TP63: variants seen among roughly 807,000 people sequenced by gnomAD.
TP63 encodes the protein tumor protein p63.
In TP63, 17 loss-of-function variants were observed where a neutral mutation model predicts 82.8. The observed-to-expected ratio is 0.21, with a 90% CI of 0.14 to 0.31. The LOEUF (loss-of-function observed/expected upper bound fraction) is 0.31. TP63 is among the 10% of genes least tolerant of loss of function. The pLI, the probability that TP63 is intolerant of heterozygous loss-of-function variation, is 1.00. For synonymous variants in TP63, 330 were observed against 321.7 expected (o/e 1.03, Z -0.28); for missense variants, 648 against 895.3 (o/e 0.72, Z 3.52).
At chr3:189,628,351 G>C (rs530503357), upstream of TP63, among the ~76,000 whole-genome samples, 30 of 152,228 alleles carry the variant, frequency 2.0e-4, no homozygotes, top group African/African-American at 6.5e-4. Flanking sequence ...AGAGGAAAGT[G>C]CATGAAGGGG....
chr3:189,736,036 T>A (rs534416161), intron 1 of TP63, among the ~76,000 whole-genome samples: 1 of 151,516 alleles, frequency 6.6e-6, no homozygotes, highest in Non-Finnish European at 1.5e-5. Flanking sequence ...TGCATGTAAA[T>A]CTACAATTTC....
At chr3:189,620,298 G>T in the TP63 span, among the ~76,000 whole-genome samples, 1 of 152,056 alleles carries the variant, frequency 6.6e-6, no homozygotes, top group Non-Finnish European at 1.5e-5. Flanking sequence ...GCCAAGGCGG[G>T]CAGACCATGA....
intron 4 of TP63, among the ~76,000 whole-genome samples, chr3:189,835,700 G>A (rs950719744): frequency 6.6e-6 from 1 of 151,872 alleles, no homozygotes; most frequent in African/African-American, 2.4e-5. Flanking sequence ...GAGGCAGGTG[G>A]TCAGGAGTTC....
intron 4 of TP63, among the ~76,000 whole-genome samples, chr3:189,838,187 TCTC>T (rs1468293402): frequency 6.6e-6 from 1 of 152,030 alleles, no homozygotes; most frequent in Non-Finnish European, 1.5e-5. Context: ...TCCCTTCCTC[TCTC>T]CTATTTATTC....
At chr3:189,811,266 G>A (rs4687095) in intron 4 of TP63, among the ~76,000 whole-genome samples, 131,868 of 152,168 alleles carry the variant, frequency 0.87, 57,629 homozygotes, top group African/African-American at 0.9. Flanking sequence ...AATAATTAAC[G>A]TAGAAAGTTT....
At chr3:189,603,375 T>C in the TP63 span, among the ~76,000 whole-genome samples, 1 of 152,076 alleles carries the variant, frequency 6.6e-6, no homozygotes, top group African/African-American at 2.4e-5. Flanking sequence ...TGGGTTCTGT[T>C]TTCTTCTTCT....
At chr3:189,671,760 A>G (rs1446621396) in intron 1 of TP63, among the ~76,000 whole-genome samples, 1 of 152,138 alleles carries the variant, frequency 6.6e-6, no homozygotes, top group African/African-American at 2.4e-5. Context: ...GCCTGGGAGG[A>G]CATTATTTTA....
upstream of TP63, among the ~76,000 whole-genome samples, chr3:189,628,477 C>T (rs1729367508): frequency 6.6e-6 from 1 of 152,110 alleles, no homozygotes; most frequent in Non-Finnish European, 1.5e-5. Flanking sequence ...CAAAGTGTCC[C>T]TTTCTCCTAC....
At chr3:189,844,034 C>CG in intron 4 of TP63, among the ~76,000 whole-genome samples, 1 of 150,520 alleles carries the variant, frequency 6.6e-6, no homozygotes, top group South Asian at 2.1e-4. Flanking sequence ...CCCACCCCAA[C>CG]CCCAGACCAC....
chr3:189,611,201 G>C, the TP63 span, among the ~76,000 whole-genome samples: 1 of 152,192 alleles, frequency 6.6e-6, no homozygotes, highest in Non-Finnish European at 1.5e-5. Context: ...TGGTGTCTTT[G>C]TCATGAAACC....
intron 1 of TP63, among the ~76,000 whole-genome samples, chr3:189,640,088 G>A (rs1457094665): frequency 1.3e-5 from 2 of 151,822 alleles, no homozygotes; most frequent in African/African-American, 4.8e-5. Flanking sequence ...ATTTAGTAGT[G>A]TCATTTACTT....
At chr3:189,808,751 TTCAG>T (rs947328257) in intron 4 of TP63, among the ~76,000 whole-genome samples, 1 of 152,220 alleles carries the variant, frequency 6.6e-6, no homozygotes, top group African/African-American at 2.4e-5. Flanking sequence ...TCCTGGCAAC[TTCAG>T]TCAGTGTGTT....
intron 4 of TP63, among the ~76,000 whole-genome samples, chr3:189,861,383 C>G (rs1472666608): frequency 2.1e-5 from 3 of 144,228 alleles, no homozygotes; most frequent in African/African-American, 7.6e-5. Context: ...GTGTTTGAAG[C>G]ATTAAAACGT....
chr3:189,849,920 G>GAA (rs1164014136), intron 4 of TP63, among the ~76,000 whole-genome samples: 1 of 152,026 alleles, frequency 6.6e-6, no homozygotes, highest in African/African-American at 2.4e-5. Flanking sequence ...TAAAATCATA[G>GAA]GTCTGTAACA....
intron 8 of TP63, 147 bp downstream of exon 8, chr3:189,868,863 A>G (rs1718060686): frequency 1.6e-6 from 2 of 1,286,704 alleles, no homozygotes; most frequent in Admixed American, 3.5e-5. Flanking sequence ...GAGAATAGGT[A>G]TAGCATTGAA....
At chr3:189,835,531 A>G (rs921437015) in intron 4 of TP63, among the ~76,000 whole-genome samples, 3 of 152,214 alleles carry the variant, frequency 2.0e-5, no homozygotes, top group South Asian at 4.1e-4. Context: ...AAGCATTGCA[A>G]TACATTCTTA....
At chr3:189,855,700 ATGTG>A (rs527770984) in intron 4 of TP63, among the ~76,000 whole-genome samples, 10 of 151,396 alleles carry the variant, frequency 6.6e-5, no homozygotes, top group African/African-American at 2.2e-4. Flanking sequence ...GTGTGTATAT[ATGTG>A]TGTGTGTGTG....
intron 1 of TP63, among the ~76,000 whole-genome samples, chr3:189,635,959 A>G (rs2108609186): frequency 6.6e-6 from 1 of 152,282 alleles, no homozygotes; most frequent in Non-Finnish European, 1.5e-5. Flanking sequence ...ACTGGCTTTT[A>G]GCCATCTCCG....
Position 189,714,744 on chromosome 3 carries a change from T to G in TP63, c.63-22996T>G, listed in dbSNP as rs139278844. On this transcript the variant is annotated intron_variant, in intron 1 of 13. Transcript: ENST00000264731. ...AAGGGCATACATAAATGACAAAGAGTTAATTCAGCTTGCTTCTCAGAGTTA... is the reference window on the plus strand; with the variant it reads ...AAGGGCATACATAAATGACAAAGAGGTAATTCAGCTTGCTTCTCAGAGTTA... Among the ~76,000 whole-genome samples the G allele has an allele frequency of 9.1e-3, 1,387 of 152,052 alleles. 12 individuals carry two copies. The highest frequency in any genetic ancestry group is 0.014 in the Middle Eastern group (4 of 294).
Sources: gnomAD v4.1 joint callset for allele counts (sites outside exome capture counted in the v4.1 genomes callset) on GRCh38, gnomAD v4.1.1 for gene constraint, MANE v1.5 for transcripts, NCBI Gene and HGNC (gene_info 2026-07-23, HGNC 2026-07-21) for gene names.